The following PCDHGB1 variants were observed in gnomAD, a reference collection of about 807,000 sequenced individuals.
PCDHGB1 encodes protocadherin gamma subfamily B, 1.
Under a neutral mutation model 56.6 loss-of-function variants are expected in PCDHGB1, and 34 were observed. The ratio of observed to expected loss-of-function variants is 0.60; its 90% CI spans 0.46 to 0.80. PCDHGB1 has a LOEUF of 0.80. PCDHGB1 is among the 30% of genes least tolerant of loss of function. PCDHGB1 has a pLI of 0.00. For synonymous variants in PCDHGB1, 561 were observed against 505.9 expected, an observed-to-expected ratio of 1.11 and a Z score of -1.46; for missense variants, 1,278 against 1,204.6, an observed-to-expected ratio of 1.06 and a Z score of -0.90.
intron 1 of PCDHGB1, among the ~76,000 whole-genome samples, chr5:141,447,098 A>G (rs2098525979): frequency 6.6e-6 from 1 of 151,934 alleles, no homozygotes. Flanking sequence ...TTTCTTTCAC[A>G]TGATTATATG....
At chr5:141,364,831 C>T (rs1391925170) in intron 1 of PCDHGB1, 1 of 1,613,892 alleles carries the variant, frequency 6.2e-7, no homozygotes, top group Non-Finnish European at 8.5e-7. Context: ...TGAACTCTCT[C>T]CGGAGTTACC....
rs1342473418 is a variant in PCDHGB1, at chr5:141,477,702, A to G, written c.2410-17105A>G. On this transcript the variant is annotated intron_variant, in intron 1 of 3. Transcript: ENST00000523390. The surrounding 1 kb of genome is among the most constrained non-coding windows in gnomAD (Gnocchi z 4.9). Reference sequence around the variant, plus strand: ...TCCTTAGTGCCCCTAGACTATGAGGATCGGCGGGAATTTGAATTAACAGCT... The same window carrying G: ...TCCTTAGTGCCCCTAGACTATGAGGGTCGGCGGGAATTTGAATTAACAGCT... The G allele has an allele frequency of 1.9e-6, 3 of 1,613,924 alleles. No individual in the cohort carries two copies. Among genetic ancestry groups the G allele is most frequent in the Non-Finnish European group, 2.5e-6 (3 of 1,180,044 alleles).
Position 141,489,595 on chromosome 5 carries a change from G to A in PCDHGB1, c.2410-5212G>A. The A allele has an allele frequency of 1.2e-6, 2 of 1,614,132 alleles. No individual in the cohort carries two copies. Among genetic ancestry groups the A allele is most frequent in the Non-Finnish European group, 1.7e-6 (2 of 1,180,004 alleles). On this transcript the variant is annotated intron_variant, in intron 1 of 3. Coordinates refer to ENST00000523390, the MANE Select transcript of PCDHGB1 (RefSeq NM_018922.3). The surrounding 1 kb of genome is among the most constrained non-coding windows in gnomAD (Gnocchi z 4.5). Reference sequence around the variant, plus strand: ...TGAACACCCCCTGGAGCTAATCCGTGTAGAGGTAGAGATCCTGGATCTCAA... The same window carrying A: ...TGAACACCCCCTGGAGCTAATCCGTATAGAGGTAGAGATCCTGGATCTCAA...
chr5:141,489,943 A>G lies in PCDHGB1; in HGVS notation c.2410-4864A>G. ...CCTTATCTCTGTCATCGTGCTGGAC[A>G]TCAATGATAATGCTCCAACCTTCCA... On this transcript the variant is annotated intron_variant, in intron 1 of 3. Transcript: ENST00000523390. The surrounding 1 kb of genome is among the most constrained non-coding windows in gnomAD (Gnocchi z 4.5). 5.6e-6 allele frequency: 9 copies of G among 1,614,190 alleles called. No homozygotes were observed. Among genetic ancestry groups the G allele is most frequent in the Non-Finnish European group, 7.6e-6 (9 of 1,180,016 alleles).
chr5:141,422,166 T>G (rs370704205), intron 1 of PCDHGB1: 30 of 1,569,256 alleles, frequency 1.9e-5, no homozygotes, highest in Non-Finnish European at 2.5e-5. Flanking sequence ...TTGAAAAATA[T>G]AGATTCTATG....
At chr5:141,421,699 G>T (rs751572007) in intron 1 of PCDHGB1, 1 of 1,613,928 alleles carries the variant, frequency 6.2e-7, no homozygotes, top group Admixed American at 1.7e-5. Flanking sequence ...TCTTCCTAAT[G>T]CTAGGGATCC....
In PCDHGB1 at chr5:141,441,656, CT is replaced by C. The variant is rs200391207; in HGVS notation, c.2410-53149del. 8.0e-3 allele frequency: 1,976 copies of C among 247,682 alleles called. 54 individuals carry two copies. The highest frequency in any genetic ancestry group is 0.043 in the African/African-American group (1,846 of 42,486). The allele number at this position is 247,682 out of a possible 1,614,324, so 15.3% of individuals were successfully genotyped here. A position where few individuals can be genotyped will look rare whatever the true frequency, so the allele number is the denominator to read the frequency against. On this transcript the variant is annotated intron_variant, in intron 1 of 3. Coordinates refer to ENST00000523390, the MANE Select transcript of PCDHGB1 (RefSeq NM_018922.3). ...CACAGGCGCTGTGATTCTAGGTGTC[CT>C]TGAGCGCACAGTGCGCCTTCGACCA...
At chr5:141,360,889 A>C (rs1761788263) in intron 1 of PCDHGB1, 1 of 1,614,032 alleles carries the variant, frequency 6.2e-7, no homozygotes, top group Non-Finnish European at 8.5e-7. Context: ...GGTCACCCTG[A>C]GGGAGGACGT....
intron 1 of PCDHGB1, chr5:141,409,458 A>G (rs1435071611): frequency 4.3e-6 from 7 of 1,613,820 alleles, no homozygotes; most frequent in East Asian, 2.2e-5. Context: ...CCAGAATACA[A>G]TGTCACCATC....
intron 1 of PCDHGB1, chr5:141,372,290 G>A (rs1437600694): frequency 1.9e-6 from 3 of 1,613,282 alleles, no homozygotes; most frequent in Non-Finnish European, 2.5e-6. Context: ...CGCGTACCTT[G>A]GGCGACAGGG....
In PCDHGB1 at chr5:141,433,056, G is replaced by T. The variant is rs1422450948; in HGVS notation, c.2410-61751G>T. ...TCCCTCACCACGGACTCGCGGAAGA[G>T]TCACCTGATCTTCCCCCAGCCCAAC... On this transcript the variant is annotated intron_variant, in intron 1 of 3. Coordinates refer to ENST00000523390, the MANE Select transcript of PCDHGB1 (RefSeq NM_018922.3). The T allele has an allele frequency of 6.8e-6, 11 of 1,614,086 alleles. No homozygotes were observed. In the South Asian group the frequency reaches 1.1e-4, roughly 16 times the overall value.
chr5:141,430,992 A>G (rs1223969128), intron 1 of PCDHGB1: 2 of 1,613,824 alleles, frequency 1.2e-6, no homozygotes, highest in Admixed American at 3.3e-5. Context: ...TTCGCCCTGA[A>G]TCCGCGCAGC....
chr5:141,458,578 TG>T, intron 1 of PCDHGB1, among the ~76,000 whole-genome samples: 1 of 152,138 alleles, frequency 6.6e-6, no homozygotes. Context: ...TTTGTTTGTT[TG>T]TTTGTTTTGG....
chr5:141,409,237 A>G lies in PCDHGB1; in HGVS notation c.2409+56568A>G, dbSNP rs375806619. The G allele has an allele frequency of 7.2e-5, 116 of 1,614,054 alleles. 2 individuals are homozygous for G. Among genetic ancestry groups the G allele is most frequent in the East Asian group, 6.5e-4 (29 of 44,886 alleles). ...TCCTTGATGAAAACGACAACAGCCC[A>G]GAAATAATCATCACTTCTCTCTCTG... On this transcript the variant is annotated intron_variant, in intron 1 of 3. Coordinates refer to ENST00000523390, the MANE Select transcript of PCDHGB1 (RefSeq NM_018922.3).
chr5:141,427,429 G>A (rs2097025761), intron 1 of PCDHGB1: 1 of 471,078 alleles, frequency 2.1e-6, no homozygotes, highest in African/African-American at 2.0e-5. Flanking sequence ...GAGGTTACAT[G>A]CCTCATAAAC....
At chr5:141,459,930 T>C (rs1385764489) in intron 1 of PCDHGB1, among the ~76,000 whole-genome samples, 1 of 152,176 alleles carries the variant, frequency 6.6e-6, no homozygotes, top group East Asian at 1.9e-4. Context: ...TATATCCTTG[T>C]AGCTGGGCGT....
chr5:141,432,538 G>C lies in PCDHGB1; in HGVS notation c.2410-62269G>C, dbSNP rs200601557. The C allele has an allele frequency of 2.5e-5, 40 of 1,614,026 alleles. No individual in the cohort carries two copies. The highest frequency in any genetic ancestry group is 1.5e-4 in the Admixed American group (9 of 60,032). On this transcript the variant is annotated intron_variant, in intron 1 of 3. Coordinates refer to ENST00000523390, the MANE Select transcript of PCDHGB1 (RefSeq NM_018922.3). This position sits in a 1 kb window ranked among gnomAD's most constrained non-coding sequence, Gnocchi z 6.0. ...GCTACCTGGTGACCAAGGTGGTGGC[G>C]GTGGACAGAGACTCCGGCCAGAACG...
chr5:141,446,173 G>A (rs2098491860), intron 1 of PCDHGB1, among the ~76,000 whole-genome samples: 1 of 152,076 alleles, frequency 6.6e-6, no homozygotes, highest in East Asian at 1.9e-4. Context: ...TGAGGGCAGG[G>A]GGTGTTTTGT....
intron 1 of PCDHGB1, among the ~76,000 whole-genome samples, chr5:141,458,380 G>T (rs1592559992): frequency 6.6e-6 from 1 of 152,136 alleles, no homozygotes; most frequent in African/African-American, 2.4e-5. Flanking sequence ...AAGAGAGAAG[G>T]AAGACGCTCC....
Sources: gnomAD v4.1 joint callset for allele counts (sites outside exome capture counted in the v4.1 genomes callset) on GRCh38, gnomAD v4.1.1 for gene constraint, Gnocchi (gnomAD v3.1) non-coding constraint, MANE v1.5 for transcripts, NCBI Gene and HGNC (gene_info 2026-07-23, HGNC 2026-07-21) for gene names.